The following IRX4 variants were observed in gnomAD, a reference collection of about 807,000 sequenced individuals.
IRX4 encodes iroquois homeobox 4.
IRX4 carries 22 observed loss-of-function variants against 32.0 expected under a neutral mutation model. The ratio of observed to expected loss-of-function variants is 0.69; its 90% CI spans 0.49 to 0.98. IRX4 has a LOEUF of 0.98. Among genes scored for constraint, IRX4 ranks in the 50% least tolerant of loss-of-function variants. IRX4 has a pLI of 0.00. For synonymous variants in IRX4, 379 were observed against 351.7 expected, an observed-to-expected ratio of 1.08 and a Z score of -0.87; for missense variants, 840 against 744.2, an observed-to-expected ratio of 1.13 and a Z score of -1.50.
upstream of IRX4, chr5:1,884,750 G>A (rs1434686697): frequency 6.6e-6 from 1 of 152,200 alleles, no homozygotes; most frequent in Admixed American, 6.5e-5. Flanking sequence ...TAAGAAACTA[G>A]CCACCGGGGT....
Position 1,877,996 on chromosome 5 carries a change from C to T in IRX4, c.1533G>A (p.Lys511=). ...AGGCGCAGAAGGGTTTGCCGCCGGC[C>T]TTGGGCAGGGCGAGCAGCTCCCTGG... ...GAARELLALP[K]AGGKPFCA Residue 511 remains lysine, a synonymous_variant, in exon 5 of 5, where the codon AAG becomes AAA. Coordinates refer to ENST00000231357, the MANE Select transcript of IRX4 (RefSeq NM_016358.3). The T allele has an allele frequency of 6.6e-7, 1 of 1,506,974 alleles. No homozygotes were observed. The highest frequency in any genetic ancestry group is 8.8e-7 in the Non-Finnish European group (1 of 1,133,634). 93.4% of individuals were successfully genotyped at this position (1,506,974 alleles called of 1,614,324 possible).
At position 1,878,527 on chromosome 5, in the gene IRX4, C is replaced by T. The variant is rs573074606; in HGVS notation, c.1002G>A (p.Pro334=). ...RSCLRSAAAG[P]EPLPGAEGGP... is the part of the protein sequence containing the mutation. ...CGCCCTCTGCGCCCGGCAGTGGCTC[C>T]GGCCCGGCCGCCGCGCTGCGGAGAC... is the stretch of plus-strand genomic sequence containing the variant. The change falls in exon 5 of 5, where the codon CCG becomes CCA. Residue 334 remains proline, a synonymous_variant. Transcript: ENST00000231357. The T allele has an allele frequency of 3.2e-5, 46 of 1,442,210 alleles. 1 individual carries two copies. In the African/African-American group the frequency reaches 5.9e-4, roughly 19 times the overall value. The allele number at this position is 1,442,210 out of a possible 1,614,324, so 89.3% of individuals were successfully genotyped here.
In IRX4 at chr5:1,879,788, C is replaced by T; in HGVS notation, c.452G>A (p.Arg151His). 2 of 1,614,136 alleles carry T rather than the reference C, an allele frequency of 1.2e-6. No individual in the cohort carries two copies. The highest frequency in any genetic ancestry group is 1.7e-6 in the Non-Finnish European group (2 of 1,180,038). ...DSGTRRKNAT[R>H]ETTSTLKAWL... ...GGCCTTGAGCGTGCTGGTGGTCTCG[C>T]GCGTGGCGTTCTTGCGCCGCGTGCC... The change falls in exon 4 of 5, where the codon CGC becomes CAC. Residue 151 changes from arginine to histidine, a missense_variant. Around this residue, in one of 3 missense-constraint regions of IRX4, gnomAD observed 241 missense variants for 220.8 expected, o/e 1.09. Coordinates refer to ENST00000231357, the MANE Select transcript of IRX4 (RefSeq NM_016358.3).
intron 1 of IRX4, 67 bp from the exon 2 acceptor site, chr5:1,882,126 A>G: frequency 1.6e-5 from 24 of 1,492,186 alleles, no homozygotes; most frequent in Non-Finnish European, 2.1e-5. Flanking sequence ...GGCCTTGCCA[A>G]TCCCGCGCGC....
chr5:1,881,576 A>G, intron 2 of IRX4, among the ~76,000 whole-genome samples: 1 of 150,438 alleles, frequency 6.6e-6, no homozygotes, highest in Non-Finnish European at 1.5e-5. Context: ...AGGATTTAGT[A>G]GGGAACCAAA....
In IRX4 at chr5:1,879,655, G is replaced by A. The variant is rs376866352; in HGVS notation, c.585C>T (p.Asn195=). ...TCTCCTTCTTGAGGCGCCGGCGCGCGTTGGCGAACCAGGTGGAGACCTGTG... is the reference window on the plus strand; with the variant it reads ...TCTCCTTCTTGAGGCGCCGGCGCGCATTGGCGAACCAGGTGGAGACCTGTG... ...TLTQVSTWFA[N]ARRRLKKENK... is the part of the protein sequence containing the mutation. The change falls in exon 4 of 5, where the codon AAC becomes AAT. Residue 195 remains asparagine (N), a synonymous_variant. Coordinates refer to ENST00000231357, the MANE Select transcript of IRX4 (RefSeq NM_016358.3). The A allele has an allele frequency of 3.1e-6, 5 of 1,614,056 alleles. No individual in the cohort carries two copies. In the African/African-American group the frequency reaches 5.3e-5, roughly 17 times the overall value.
rs1735298412 is a variant in IRX4 at position 1,878,543 on chromosome 5, C to A, written c.986G>T (p.Ser329Ile). ...DLERARSCLR[S>I]AAAGPEPLPG... ...CAGTGGCTCCGGCCCGGCCGCCGCGCTGCGGAGACAGCTCCGGGCCCTCTC... is the reference window on the plus strand; with the variant it reads ...CAGTGGCTCCGGCCCGGCCGCCGCGATGCGGAGACAGCTCCGGGCCCTCTC... The change falls in exon 5 of 5, where the codon AGC becomes ATC. Residue 329 changes from serine (S) to isoleucine (I), a missense_variant. Physicochemically the swap from Ser to Ile is moderately radical, Grantham distance 142. Transcript: ENST00000231357. 6.7e-7 allele frequency: 1 copy of A among 1,483,732 alleles called. No individual in the cohort carries two copies. 91.9% of individuals were successfully genotyped at this position (1,483,732 alleles called of 1,614,324 possible). A position where few individuals can be genotyped will look rare whatever the true frequency, so the allele number is the denominator to read the frequency against.
rs1579251926 is a variant in IRX4, at chr5:1,880,291, G to A, written c.407+434C>T. ...GATAAATTTGTAGTGGTTGCATTGA[G>A]GAAAGTGGGGCATCCTGTCCAAAAG... On this transcript the variant is annotated intron_variant, in intron 3 of 4. Transcript: ENST00000231357. 7.5e-6 allele frequency: 5 copies of A among 662,474 alleles called. No homozygotes were observed. In the East Asian group the frequency reaches 1.4e-4, roughly 18 times the overall value. 41.0% of individuals were successfully genotyped at this position (662,474 alleles called of 1,614,324 possible).
chr5:1,879,742 C>T lies in IRX4; in HGVS notation c.498G>A (p.Lys166=). The change falls in exon 4 of 5, where the codon AAG becomes AAA. Residue 166 remains lysine, a synonymous_variant. Coordinates refer to ENST00000231357, the MANE Select transcript of IRX4 (RefSeq NM_016358.3). ...TLKAWLQEHR[K]NPYPTKGEKI... Reference sequence around the variant, plus strand: ...TCTCGCCCTTGGTGGGGTAGGGGTTCTTGCGGTGCTCCTGCAGCCAGGCCT... The same window carrying T: ...TCTCGCCCTTGGTGGGGTAGGGGTTTTTGCGGTGCTCCTGCAGCCAGGCCT... 6.2e-7 allele frequency: 1 copy of T among 1,614,232 alleles called. No homozygotes were observed. Among genetic ancestry groups the T allele is most frequent in the African/African-American group, 1.3e-5 (1 of 75,070 alleles).
chr5:1,883,465 T>C (rs936480759), upstream of IRX4, among the ~76,000 whole-genome samples: 9 of 151,864 alleles, frequency 5.9e-5, no homozygotes, highest in African/African-American at 1.9e-4. Context: ...CTCCCGCCGG[T>C]TTCCACCCTA....
chr5:1,880,954 C>T (rs547850214), intron 2 of IRX4, 120 bp from the exon 3 acceptor site: 3 of 786,382 alleles, frequency 3.8e-6, no homozygotes, highest in Non-Finnish European at 6.7e-6. Context: ...CCCTACGCCC[C>T]GGCAGGAAGG....
chr5:1,882,809 CG>C lies in IRX4; in HGVS notation c.-163del. 1 of 424,036 alleles carries C rather than the reference CG, an allele frequency of 2.4e-6. No homozygotes were observed. The highest frequency in any genetic ancestry group is 4.2e-6 in the Non-Finnish European group (1 of 237,678). 26.3% of individuals were successfully genotyped at this position (424,036 alleles called of 1,614,324 possible). On this transcript the variant is annotated 5_prime_UTR_variant, in exon 1 of 5. The change creates a premature stop within an existing upstream ORF in the 5' untranslated region. Coordinates refer to ENST00000231357, the MANE Select transcript of IRX4 (RefSeq NM_016358.3). Reference sequence around the variant, plus strand: ...CCCGCGCTCCGCAAACTTTTCTAACCGGGTAACAAAGTGAGCAGCGGTGGCC... The same window carrying C: ...CCCGCGCTCCGCAAACTTTTCTAACCGGTAACAAAGTGAGCAGCGGTGGCC...
At chr5:1,887,081 C>T (rs560435181), upstream of IRX4, 3 of 151,576 alleles carry the variant, frequency 2.0e-5, no homozygotes, top group African/African-American at 7.2e-5. Context: ...CGCTGGGCCG[C>T]TCCCGGCAGC....
upstream of IRX4, among the ~76,000 whole-genome samples, chr5:1,885,518 G>C (rs1019003925): frequency 3.3e-5 from 5 of 152,042 alleles, no homozygotes; most frequent in African/African-American, 1.2e-4. Flanking sequence ...CCGCCAGCAG[G>C]CCCCAGCGCC....
Position 1,879,802 on chromosome 5 carries a change from G to A in IRX4, c.438C>T (p.Arg146=). The A allele has an allele frequency of 6.2e-7, 1 of 1,614,090 alleles. No homozygotes were observed. Among genetic ancestry groups the A allele is most frequent in the Non-Finnish European group, 8.5e-7 (1 of 1,180,036 alleles). The change falls in exon 4 of 5, where the codon CGC becomes CGT. Residue 146 remains arginine, a synonymous_variant. Coordinates refer to ENST00000231357, the MANE Select transcript of IRX4 (RefSeq NM_016358.3). ...TGGTGGTCTCGCGCGTGGCGTTCTT[G>A]CGCCGCGTGCCGCTGTCCATGGTTC... ...RYGTMDSGTR[R]KNATRETTST...
rs2232374 is a variant in IRX4 at position 1,882,015 on chromosome 5, T to G, written c.90A>C (p.Gly30=). Residue 30 remains glycine, a synonymous_variant, in exon 2 of 5, where the codon GGA becomes GGC. Coordinates refer to ENST00000231357, the MANE Select transcript of IRX4 (RefSeq NM_016358.3). ...TNSLSTCCES[G]GRTLADSGPA... ...GCCCGGAGTCCGCCAGCGTGCGGCC[T>G]CCGGACTCGCAGCACGTGCTCAGGG... The G allele has an allele frequency of 0.24, 366,734 of 1,545,876 alleles. 44,454 individuals are homozygous for G. The highest frequency in any genetic ancestry group is 0.34 in the East Asian group (13,837 of 40,752).
intron 3 of IRX4, chr5:1,880,072 C>G (rs1195656789): frequency 2.0e-6 from 3 of 1,534,746 alleles, no homozygotes; most frequent in Non-Finnish European, 2.6e-6. Flanking sequence ...TTACAGGGAG[C>G]CTGGGCTCCT....
At chr5:1,885,096 G>A (rs1420012625), upstream of IRX4, among the ~76,000 whole-genome samples, 1 of 152,150 alleles carries the variant, frequency 6.6e-6, no homozygotes, top group African/African-American at 2.4e-5. Context: ...GCACTCCGCC[G>A]GCTGAGGGGG....
upstream of IRX4, chr5:1,886,716 CCCCGCGCCGG>C (rs1189012790): frequency 6.6e-6 from 1 of 151,018 alleles, no homozygotes; most frequent in Non-Finnish European, 1.5e-5. Flanking sequence ...CCACCCCCCG[CCCCGCGCCGG>C]CCCGCGCACC....
Sources: gnomAD v4.1 joint callset for allele counts (sites outside exome capture counted in the v4.1 genomes callset) on GRCh38, gnomAD v4.1.1 for gene constraint, gnomAD v4.1.1 regional missense constraint, MANE v1.5 for transcripts, NCBI Gene and HGNC (gene_info 2026-07-23, HGNC 2026-07-21) for gene names.